SPIDR: variants seen among roughly 807,000 people sequenced by gnomAD.
SPIDR encodes the protein DNA repair-scaffolding protein.
SPIDR carries 93 observed loss-of-function variants against 104.6 expected under a neutral mutation model. That is an observed-to-expected ratio of 0.89 (90% CI 0.75 to 1.06). The LOEUF (loss-of-function observed/expected upper bound fraction) is 1.06. Among genes scored for constraint, SPIDR ranks in the 50% least tolerant of loss-of-function variants. The pLI is 0.00. For missense variants in SPIDR, 1,154 were observed against 1,111.2 expected (o/e 1.04, Z -0.55); for synonymous variants, 431 against 416.9 (o/e 1.03, Z -0.41).
At position 47,268,824 on chromosome 8, in the gene SPIDR, A is replaced by G. The variant is rs1024705376; in HGVS notation, c.33+7833A>G. Among the ~76,000 whole-genome samples, 31 of 152,268 alleles carry G rather than the reference A, an allele frequency of 2.0e-4. 3 individuals carry two copies. The East Asian group carries it at 3.3e-3, about 16-fold the overall frequency. ...TTGCTGAACTCATTTATTGGTTCTA[A>G]TAATTTTTTGGGTTTTCTGAAGTGT... On this transcript the variant is annotated intron_variant, in intron 1 of 19. Transcript: ENST00000297423.
intron 7 of SPIDR, among the ~76,000 whole-genome samples, chr8:47,431,907 T>C (rs2154339740): frequency 6.6e-6 from 1 of 152,350 alleles, no homozygotes; most frequent in East Asian, 1.9e-4. Context: ...AAATGAATTG[T>C]GCTCTTCATA....
chr8:47,694,650 A>G (rs2079092562), intron 11 of SPIDR, among the ~76,000 whole-genome samples: 1 of 152,142 alleles, frequency 6.6e-6, no homozygotes, highest in Non-Finnish European at 1.5e-5. Flanking sequence ...GCACACCTGT[A>G]GTCCCAGCTA....
At chr8:47,456,461 T>G (rs1048045122) in intron 8 of SPIDR, among the ~76,000 whole-genome samples, 2 of 152,110 alleles carry the variant, frequency 1.3e-5, no homozygotes, top group South Asian at 2.1e-4. Context: ...ATTTTAAAAC[T>G]TTCAAATTAC....
chr8:47,477,338 A>G (rs1273197286), intron 8 of SPIDR, among the ~76,000 whole-genome samples: 4 of 152,216 alleles, frequency 2.6e-5, no homozygotes, highest in African/African-American at 7.2e-5. Context: ...CTGGGATTAC[A>G]GGCGCTTGGC....
At chr8:47,523,054 A>G (rs1030690368) in intron 8 of SPIDR, among the ~76,000 whole-genome samples, 8 of 151,914 alleles carry the variant, frequency 5.3e-5, no homozygotes, top group Non-Finnish European at 1.2e-4. Flanking sequence ...AGGCTGGAGT[A>G]CAGTGTCACA....
intron 5 of SPIDR, among the ~76,000 whole-genome samples, chr8:47,394,687 C>T (rs1416948122): frequency 6.6e-6 from 1 of 152,146 alleles, no homozygotes; most frequent in Non-Finnish European, 1.5e-5. Flanking sequence ...GTACTTAAGA[C>T]ATCTCATAAC....
chr8:47,733,276 A>G (rs919515310), intron 19 of SPIDR, among the ~76,000 whole-genome samples: 1 of 152,140 alleles, frequency 6.6e-6, no homozygotes, highest in African/African-American at 2.4e-5. Flanking sequence ...AATCCCAGCT[A>G]CTTGGAAGGC....
chr8:47,583,305 C>CAAAAAAA (rs34756645), intron 8 of SPIDR, among the ~76,000 whole-genome samples: 1 of 111,142 alleles, frequency 9.0e-6, no homozygotes, highest in Non-Finnish European at 1.8e-5. Flanking sequence ...GACTCCATCT[C>CAAAAAAA]AAAAAAAAAA....
intron 10 of SPIDR, among the ~76,000 whole-genome samples, chr8:47,641,548 T>G (rs894146098): frequency 3.3e-5 from 5 of 152,222 alleles, no homozygotes; most frequent in Non-Finnish European, 5.9e-5. Context: ...TGTTTAATGA[T>G]AGTGAGTAGT....
chr8:47,522,279 A>G (rs72646350), intron 8 of SPIDR, among the ~76,000 whole-genome samples: 7,681 of 152,232 alleles, frequency 0.05, 222 homozygotes, highest in Non-Finnish European at 0.061. Flanking sequence ...ACTCTTCCCA[A>G]TGGAGCATGT....
intron 10 of SPIDR, among the ~76,000 whole-genome samples, chr8:47,607,363 A>G (rs1177999660): frequency 6.6e-6 from 1 of 152,068 alleles, no homozygotes. Flanking sequence ...CTGCCCATCT[A>G]TTCTTAACCT....
At chr8:47,539,258 A>G (rs1330747013) in intron 8 of SPIDR, among the ~76,000 whole-genome samples, 1 of 152,150 alleles carries the variant, frequency 6.6e-6, no homozygotes, top group African/African-American at 2.4e-5. Context: ...CTTTTTAAAA[A>G]TGTATTAAGA....
At chr8:47,590,096 C>G (rs1374765371) in intron 8 of SPIDR, among the ~76,000 whole-genome samples, 2 of 151,842 alleles carry the variant, frequency 1.3e-5, no homozygotes, top group African/African-American at 4.8e-5. Context: ...ATTGCTTGAA[C>G]CCAGGTAGCG....
intron 14 of SPIDR, 126 bp downstream of exon 14, chr8:47,702,141 T>G: frequency 9.6e-7 from 1 of 1,040,768 alleles, no homozygotes; most frequent in East Asian, 2.6e-5. Flanking sequence ...ACACACGGTG[T>G]TAGAGGTTTA....
chr8:47,613,206 A>G (rs1222973899), intron 10 of SPIDR, among the ~76,000 whole-genome samples: 2 of 152,122 alleles, frequency 1.3e-5, no homozygotes, highest in Non-Finnish European at 2.9e-5. Flanking sequence ...GTTTCTGTGT[A>G]TTTGTCTATT....
At chr8:47,360,475 C>T (rs186360474) in intron 5 of SPIDR, among the ~76,000 whole-genome samples, 7 of 152,180 alleles carry the variant, frequency 4.6e-5, no homozygotes, top group Admixed American at 1.3e-4. Context: ...AACTATATTA[C>T]AGAATAAGCT....
chr8:47,541,748 A>C (rs2088187901), intron 8 of SPIDR, among the ~76,000 whole-genome samples: 2 of 152,062 alleles, frequency 1.3e-5, no homozygotes, highest in Admixed American at 1.3e-4. Context: ...AATACAAAAA[A>C]ATTAGCTGAG....
intron 5 of SPIDR, among the ~76,000 whole-genome samples, chr8:47,343,631 C>T (rs1193958208): frequency 2.0e-5 from 3 of 152,130 alleles, no homozygotes; most frequent in African/African-American, 7.2e-5. Context: ...AGCTGCAGGA[C>T]CTCAGAAAGC....
chr8:47,685,150 T>G (rs1386259744), intron 11 of SPIDR, among the ~76,000 whole-genome samples: 5 of 152,154 alleles, frequency 3.3e-5, no homozygotes, highest in Admixed American at 6.5e-5. Context: ...AGGCAGAGGT[T>G]GCAGTGAGCC....
Sources: gnomAD v4.1 joint callset for allele counts (sites outside exome capture counted in the v4.1 genomes callset) on GRCh38, gnomAD v4.1.1 for gene constraint, MANE v1.5 for transcripts, NCBI Gene and HGNC (gene_info 2026-07-23, HGNC 2026-07-21) for gene names.